RCAN1: variants seen among roughly 807,000 people sequenced by gnomAD.
RCAN1 encodes calcipressin-1.
A neutral mutation model predicts 22.9 loss-of-function variants in RCAN1; 11 were observed. That is an observed-to-expected ratio of 0.48 (90% CI 0.30 to 0.79). RCAN1 has a LOEUF of 0.79. Ranked by LOEUF, RCAN1 falls within the 30% of genes least tolerant of loss-of-function variation. The pLI is 0.06. For missense variants in RCAN1, 291 were observed against 337.8 expected (o/e 0.86, Z 1.09); for synonymous variants, 136 against 142.3 (o/e 0.96, Z 0.32).
At chr21:34,539,643 G>A (rs1985834117) in intron 1 of RCAN1, among the ~76,000 whole-genome samples, 1 of 152,204 alleles carries the variant, frequency 6.6e-6, no homozygotes, top group Non-Finnish European at 1.5e-5. Context: ...GACACAATAT[G>A]TAAGGGTAAA....
intron 1 of RCAN1, among the ~76,000 whole-genome samples, chr21:34,534,295 T>C (rs1193084841): frequency 6.6e-6 from 1 of 152,084 alleles, no homozygotes; most frequent in Non-Finnish European, 1.5e-5. Flanking sequence ...CCCTGTCTCA[T>C]TCCTGCCTGT....
intron 1 of RCAN1, chr21:34,525,239 G>C (rs1259706961): frequency 3.9e-6 from 6 of 1,550,522 alleles, no homozygotes; most frequent in Non-Finnish European, 5.2e-6. Context: ...GTAGGAGCAG[G>C]GTAGTCGGTC....
intron 1 of RCAN1, among the ~76,000 whole-genome samples, chr21:34,584,402 A>G (rs928352598): frequency 1.3e-5 from 2 of 151,918 alleles, no homozygotes. Context: ...CTAAGAAAAC[A>G]GATGTCACCA....
chr21:34,555,393 TATG>T, intron 1 of RCAN1, among the ~76,000 whole-genome samples: 1 of 152,216 alleles, frequency 6.6e-6, no homozygotes, highest in East Asian at 1.9e-4. Flanking sequence ...AATGAAATGA[TATG>T]ATGCCTGGGA....
rs1265633670 is a variant in RCAN1 at position 34,523,875 on chromosome 21, C to T, written c.253-165G>A. 3 of 490,982 alleles carry T rather than the reference C, an allele frequency of 6.1e-6. No individual in the cohort carries two copies. The Admixed American group carries it at 1.1e-4, about 17-fold the overall frequency. 30.4% of individuals were successfully genotyped at this position (490,982 alleles called of 1,614,324 possible). On this transcript the variant is annotated intron_variant, in intron 1 of 3. Transcript: ENST00000313806. ...TTGGCTCACTGCAACCTCCACCTCC[C>T]AGGTTCAAGTGATTCTCCTGCCTCA...
intron 1 of RCAN1, among the ~76,000 whole-genome samples, chr21:34,578,520 T>C (rs1987490102): frequency 6.6e-6 from 1 of 152,074 alleles, no homozygotes; most frequent in Non-Finnish European, 1.5e-5. Context: ...AGGCAGGTGA[T>C]TGTCACAGGG....
intron 1 of RCAN1, among the ~76,000 whole-genome samples, chr21:34,567,420 G>A (rs1294346044): frequency 1.3e-5 from 2 of 152,038 alleles, no homozygotes; most frequent in African/African-American, 4.8e-5. Context: ...ACACAACACT[G>A]CAGCAGAAGT....
chr21:34,533,118 G>C (rs1030569617), intron 1 of RCAN1, among the ~76,000 whole-genome samples: 1 of 151,480 alleles, frequency 6.6e-6, no homozygotes, highest in Non-Finnish European at 1.5e-5. Context: ...CCGCCACCAC[G>C]CCCGGCTAAT....
At chr21:34,526,753 G>T (rs1985086280) in intron 1 of RCAN1, 1 of 1,611,522 alleles carries the variant, frequency 6.2e-7, no homozygotes, top group South Asian at 1.1e-5. Context: ...AATGCATCTT[G>T]CTTTCTTACA....
At chr21:34,557,522 C>A (rs983883961) in intron 1 of RCAN1, among the ~76,000 whole-genome samples, 12 of 152,204 alleles carry the variant, frequency 7.9e-5, no homozygotes, top group Non-Finnish European at 1.6e-4. Context: ...CCCTGAGATC[C>A]CAGCAGGCAC....
chr21:34,581,225 C>A (rs1173331051), intron 1 of RCAN1, among the ~76,000 whole-genome samples: 1 of 152,012 alleles, frequency 6.6e-6, no homozygotes, highest in African/African-American at 2.4e-5. Context: ...TTCCAACGTC[C>A]CAACCAAATC....
intron 1 of RCAN1, among the ~76,000 whole-genome samples, chr21:34,593,618 T>C (rs754120157): frequency 5.3e-5 from 8 of 152,208 alleles, no homozygotes; most frequent in Admixed American, 2.6e-4. Context: ...TCGGAACACC[T>C]GTGCCTGCTG....
intron 1 of RCAN1, among the ~76,000 whole-genome samples, chr21:34,578,963 TAAC>T (rs541364637): frequency 7.4e-4 from 113 of 152,094 alleles, no homozygotes; most frequent in Non-Finnish European, 1.3e-3. Flanking sequence ...CTCACCTGAA[TAAC>T]AACACATACA....
chr21:34,525,067 C>G (rs759894690), intron 1 of RCAN1: 2 of 1,550,146 alleles, frequency 1.3e-6, no homozygotes, highest in African/African-American at 1.4e-5. Flanking sequence ...GTAGGCAGCG[C>G]GGACAGAGCT....
chr21:34,558,827 C>T (rs192798251), intron 1 of RCAN1, among the ~76,000 whole-genome samples: 11 of 152,200 alleles, frequency 7.2e-5, no homozygotes, highest in South Asian at 6.2e-4. Context: ...GCAAAATCAA[C>T]GGTAAAGGCT....
Position 34,528,420 on chromosome 21 carries a change from C to T in RCAN1, c.253-4710G>A, listed in dbSNP as rs866745184. 6.0e-4 allele frequency among the ~76,000 whole-genome samples: 92 copies of T among 152,330 alleles called. 1 individual carries two copies. The highest frequency in any genetic ancestry group is 2.1e-3 in the African/African-American group (86 of 41,572). On this transcript the variant is annotated intron_variant, in intron 1 of 3. Coordinates refer to ENST00000313806, the MANE Select transcript of RCAN1 (RefSeq NM_004414.7). The stretch of plus-strand genomic sequence containing the variant: ...ATCCATAACTCCCAACCTGAAAAGA[C>T]ATAAACGCATGTATTCCAAAAAAGT...
At chr21:34,525,248 T>A in intron 1 of RCAN1, 1 of 1,550,650 alleles carries the variant, frequency 6.4e-7, no homozygotes. Context: ...GGGTAGTCGG[T>A]CCCTGCCAGG....
chr21:34,547,429 A>G (rs986045230), intron 1 of RCAN1, among the ~76,000 whole-genome samples: 1 of 152,232 alleles, frequency 6.6e-6, no homozygotes, highest in African/African-American at 2.4e-5. Context: ...TGTCATGAAG[A>G]GGCCAGGCAA....
At chr21:34,573,410 C>T (rs1335564551) in intron 1 of RCAN1, among the ~76,000 whole-genome samples, 3 of 152,164 alleles carry the variant, frequency 2.0e-5, no homozygotes, top group African/African-American at 7.2e-5. Context: ...TGTCCTGTTA[C>T]CATGCTTGCC....
Sources: allele counts gnomAD v4.1 joint callset (sites outside exome capture counted in the v4.1 genomes callset), GRCh38; gene constraint gnomAD v4.1.1; transcripts MANE v1.5; gene names NCBI Gene and HGNC (gene_info 2026-07-23, HGNC 2026-07-21).